The following ZFAT variants were observed in gnomAD, a reference collection of about 807,000 sequenced individuals.
ZFAT encodes zinc finger protein ZFAT.
ZFAT carries 64 observed loss-of-function variants against 117.7 expected under a neutral mutation model. The observed-to-expected ratio is 0.54, with a 90% CI of 0.44 to 0.67. ZFAT has a LOEUF of 0.67. ZFAT is among the 30% of genes least tolerant of loss of function. The pLI, the probability that ZFAT is intolerant of heterozygous loss-of-function variation, is 0.00. For synonymous variants in ZFAT, 679 were observed against 615.0 expected (o/e 1.10, Z -1.54); for missense variants, 1,433 against 1,584.5 (o/e 0.90, Z 1.62).
At chr8:134,826,638 A>C in the ZFAT span, among the ~76,000 whole-genome samples, 9 of 152,236 alleles carry the variant, frequency 5.9e-5, no homozygotes, top group African/African-American at 1.9e-4. Context: ...TACAGCAAAT[A>C]AATTTAACTT....
At chr8:134,813,052 A>C in the ZFAT span, among the ~76,000 whole-genome samples, 29 of 152,310 alleles carry the variant, frequency 1.9e-4, no homozygotes, top group East Asian at 5.6e-3. Context: ...TATTCAAAGA[A>C]CTGACAGCTT....
intron 1 of ZFAT, among the ~76,000 whole-genome samples, chr8:134,686,006 T>C (rs973761479): frequency 6.6e-6 from 1 of 152,052 alleles, no homozygotes; most frequent in African/African-American, 2.4e-5. Flanking sequence ...CAAACACACA[T>C]CCTTGGCCCA....
At chr8:134,512,137 C>A (rs924120903) in intron 14 of ZFAT, among the ~76,000 whole-genome samples, 1 of 152,206 alleles carries the variant, frequency 6.6e-6, no homozygotes, top group Middle Eastern at 3.2e-3. Flanking sequence ...ATTAGCCAAC[C>A]ATTAACAATG....
At chr8:134,557,917 T>C (rs752442417) in intron 11 of ZFAT, among the ~76,000 whole-genome samples, 4 of 152,210 alleles carry the variant, frequency 2.6e-5, no homozygotes, top group African/African-American at 4.8e-5. Context: ...GAGAACATTT[T>C]AAGTAAAAAT....
chr8:134,619,104 C>A (rs547745011), intron 3 of ZFAT, among the ~76,000 whole-genome samples: 50 of 152,232 alleles, frequency 3.3e-4, no homozygotes, highest in Middle Eastern at 3.4e-3. Flanking sequence ...CATCCTAAGT[C>A]AAAAATATCA....
chr8:134,634,446 G>T (rs147312427), intron 3 of ZFAT, among the ~76,000 whole-genome samples: 9 of 151,986 alleles, frequency 5.9e-5, no homozygotes, highest in Non-Finnish European at 1.2e-4. Flanking sequence ...ATATCCAATA[G>T]GCATTCTCAG....
At chr8:134,564,561 C>A (rs1824288852) in intron 11 of ZFAT, among the ~76,000 whole-genome samples, 1 of 152,210 alleles carries the variant, frequency 6.6e-6, no homozygotes, top group African/African-American at 2.4e-5. Context: ...CAGTCCCTCC[C>A]ATGTTCTATG....
chr8:134,724,638 G>C, the ZFAT span, among the ~76,000 whole-genome samples: 1 of 152,050 alleles, frequency 6.6e-6, no homozygotes, highest in South Asian at 2.1e-4. Flanking sequence ...GGTGGTCTGG[G>C]CCTTTCCTGG....
the ZFAT span, among the ~76,000 whole-genome samples, chr8:134,722,660 T>C: frequency 6.6e-6 from 1 of 152,056 alleles, no homozygotes; most frequent in East Asian, 1.9e-4. Context: ...GGGAGGGAGT[T>C]GTCTAAGGTC....
the ZFAT span, among the ~76,000 whole-genome samples, chr8:134,756,889 G>A: frequency 6.6e-6 from 1 of 152,166 alleles, no homozygotes; most frequent in African/African-American, 2.4e-5. Flanking sequence ...AGATGTGAAG[G>A]TATGTAAAGC....
chr8:134,527,503 G>C (rs988467337), intron 12 of ZFAT, among the ~76,000 whole-genome samples: 1 of 152,218 alleles, frequency 6.6e-6, no homozygotes, highest in Non-Finnish European at 1.5e-5. Context: ...ATAGAATTTT[G>C]CTGACATTTG....
intron 1 of ZFAT, among the ~76,000 whole-genome samples, chr8:134,697,571 C>CA (rs1833900273): frequency 6.7e-6 from 1 of 150,120 alleles, no homozygotes; most frequent in East Asian, 2.1e-4. Context: ...ACTAAAAATA[C>CA]AAAAAATTAG....
At chr8:134,731,634 C>A in the ZFAT span, among the ~76,000 whole-genome samples, 1 of 152,210 alleles carries the variant, frequency 6.6e-6, no homozygotes, top group African/African-American at 2.4e-5. Context: ...CATTAAGGTG[C>A]ACAGCTATGG....
the ZFAT span, among the ~76,000 whole-genome samples, chr8:134,753,155 C>T: frequency 1.3e-5 from 2 of 151,948 alleles, no homozygotes; most frequent in South Asian, 2.1e-4. Flanking sequence ...GAGGTGTGAT[C>T]GCACCACTGC....
intron 4 of ZFAT, among the ~76,000 whole-genome samples, chr8:134,609,366 G>C (rs940975452): frequency 6.6e-6 from 1 of 152,028 alleles, no homozygotes. Flanking sequence ...AAAAATCATA[G>C]AAACTTTCTC....
At chr8:134,818,745 A>G in the ZFAT span, among the ~76,000 whole-genome samples, 1 of 152,266 alleles carries the variant, frequency 6.6e-6, no homozygotes, top group African/African-American at 2.4e-5. Flanking sequence ...ATATCCATAC[A>G]ATGGAATACT....
the ZFAT span, among the ~76,000 whole-genome samples, chr8:134,753,856 A>G: frequency 6.6e-6 from 1 of 152,254 alleles, no homozygotes. Flanking sequence ...TGGCGTAATT[A>G]TGTGCCACTA....
At chr8:134,536,671 G>A (rs188353755) in intron 11 of ZFAT, among the ~76,000 whole-genome samples, 1 of 152,312 alleles carries the variant, frequency 6.6e-6, no homozygotes, top group East Asian at 1.9e-4. Context: ...TTTCATTTAT[G>A]AAGCATATAT....
the ZFAT span, among the ~76,000 whole-genome samples, chr8:134,811,657 T>A: frequency 6.6e-6 from 1 of 152,194 alleles, no homozygotes; most frequent in Non-Finnish European, 1.5e-5. Flanking sequence ...ATTCTATTAA[T>A]GTTTTGAACT....
Sources: gnomAD v4.1 joint callset for allele counts (sites outside exome capture counted in the v4.1 genomes callset) on GRCh38, gnomAD v4.1.1 for gene constraint, MANE v1.5 for transcripts, NCBI Gene and HGNC (gene_info 2026-07-23, HGNC 2026-07-21) for gene names.